Variants in DUXA observed in about 807,000 individuals in gnomAD.
The protein encoded by DUXA is double homeobox A.
A neutral mutation model predicts 27.5 loss-of-function variants in DUXA; 25 were observed. That is an observed-to-expected ratio of 0.91 (90% confidence interval 0.66 to 1.27). The LOEUF is 1.27. Ranked by LOEUF, DUXA falls within the 50% of genes most tolerant of loss-of-function variation. DUXA has a pLI of 0.00. For missense variants in DUXA, 247 were observed against 242.9 expected (o/e 1.02, Z -0.11); for synonymous variants, 90 against 80.5 (o/e 1.12, Z -0.63).
intron 1 of DUXA, among the ~76,000 whole-genome samples, chr19:57,165,391 C>G (rs997238387): frequency 8.8e-5 from 13 of 147,464 alleles, no homozygotes; most frequent in Admixed American, 6.2e-4. Flanking sequence ...ATTTCTAACA[C>G]TTTACCTTCT....
At chr19:57,167,288 G>C (rs375558535) in intron 1 of DUXA, 131 bp downstream of exon 1, 2 of 1,121,514 alleles carry the variant, frequency 1.8e-6, no homozygotes, top group African/African-American at 3.2e-5. Flanking sequence ...CAGAGAAACC[G>C]GTTTTCCCCT....
At chr19:57,164,476 G>A (rs1234243028) in intron 1 of DUXA, among the ~76,000 whole-genome samples, 2 of 152,158 alleles carry the variant, frequency 1.3e-5, no homozygotes, top group African/African-American at 4.8e-5. Context: ...TTGGGAGGCT[G>A]AGGCGAGAGA....
chr19:57,158,418 G>A lies in DUXA; in HGVS notation c.348C>T (p.Leu116=), dbSNP rs79672731. Residue 116 remains leucine (L), a synonymous_variant, in exon 4 of 6, where the codon CTC becomes CTT. Transcript: ENST00000554048. Reference sequence around the variant, plus strand: ...ATGGGTTTTTCATAAATGCCTTGATGAGAGTGTGTAACTGAGAGGCGCTGT... The same window carrying A: ...ATGGGTTTTTCATAAATGCCTTGATAAGAGTGTGTAACTGAGAGGCGCTGT... ...TTYSASQLHT[L]IKAFMKNPYP... is the part of the protein sequence containing the mutation. 4.4e-4 allele frequency: 703 copies of A among 1,613,980 alleles called. 6 individuals are homozygous for A. In the African/African-American group the frequency reaches 7.9e-3, roughly 18 times the overall value.
intron 4 of DUXA, 68 bp downstream of exon 4, chr19:57,158,260 C>T: frequency 6.4e-7 from 1 of 1,566,328 alleles, no homozygotes; most frequent in Non-Finnish European, 8.7e-7. Flanking sequence ...TGCCTGAGGC[C>T]CATGTGGCTT....
chr19:57,161,957 A>AT (rs1361324548), intron 1 of DUXA, among the ~76,000 whole-genome samples: 10 of 152,004 alleles, frequency 6.6e-5, no homozygotes, highest in Admixed American at 5.2e-4. Context: ...TGGCGCAATC[A>AT]TGGCACACTG....
chr19:57,162,661 A>C (rs542991790), intron 1 of DUXA, among the ~76,000 whole-genome samples: 2 of 151,848 alleles, frequency 1.3e-5, no homozygotes, highest in East Asian at 3.9e-4. Context: ...TGCAACCTCC[A>C]CCTCCCAGAT....
At position 57,154,367 on chromosome 19, in the gene DUXA, T is replaced by C. The variant is rs186313853; in HGVS notation, c.*45A>G. 1.3e-6 allele frequency: 2 copies of C among 1,551,682 alleles called. No homozygotes were observed. The highest frequency in any genetic ancestry group is 2.3e-5 in the East Asian group (1 of 44,386). On this transcript the variant is annotated 3_prime_UTR_variant, in exon 6 of 6. Transcript: ENST00000554048. ...CTCCCAGGAAGACCGTGAGACAGAT[T>C]TGGGGTCCAGTTGATATTATCAAGT...
At chr19:57,162,767 G>T in intron 1 of DUXA, among the ~76,000 whole-genome samples, 1 of 152,010 alleles carries the variant, frequency 6.6e-6, no homozygotes, top group East Asian at 1.9e-4. Flanking sequence ...GTAGAGACAG[G>T]GTTTCACCAC....
At chr19:57,163,753 T>C (rs1281511718) in intron 1 of DUXA, among the ~76,000 whole-genome samples, 1 of 152,092 alleles carries the variant, frequency 6.6e-6, no homozygotes, top group Non-Finnish European at 1.5e-5. Context: ...GTTTAAAGGG[T>C]AGTTGTCACA....
At chr19:57,159,078 T>C (rs1204634714) in intron 3 of DUXA, 89 bp downstream of exon 3, 3 of 1,132,456 alleles carry the variant, frequency 2.6e-6, no homozygotes, top group African/African-American at 3.1e-5. Flanking sequence ...CAGGAGGTCA[T>C]CAGGGAGGAG....
intron 1 of DUXA, among the ~76,000 whole-genome samples, chr19:57,164,041 C>T (rs1375436277): frequency 6.6e-6 from 1 of 152,002 alleles, no homozygotes; most frequent in Non-Finnish European, 1.5e-5. Flanking sequence ...CATAGTGAGA[C>T]ACCATCTAAC....
chr19:57,166,364 A>G (rs963529810), intron 1 of DUXA, among the ~76,000 whole-genome samples: 1 of 152,172 alleles, frequency 6.6e-6, no homozygotes, highest in African/African-American at 2.4e-5. Context: ...AGGCTGAGGT[A>G]CATGGCATGA....
chr19:57,165,309 GAAAAAA>G lies in DUXA; in HGVS notation c.25+2104_25+2109del, dbSNP rs71186231. Reference sequence around the variant, plus strand: ...CTCAACTTCTACATTTCTGGAGTAGGAAAAAAAAAAAAAAAATATATATATATATAT... The same window carrying G: ...CTCAACTTCTACATTTCTGGAGTAGGAAAAAAAAAATATATATATATATAT... On this transcript the variant is annotated intron_variant, in intron 1 of 5. Transcript: ENST00000554048. Among the ~76,000 whole-genome samples, 273 of 116,406 alleles carry G rather than the reference GAAAAAA, an allele frequency of 2.3e-3. 2 individuals carry two copies. Among genetic ancestry groups the G allele is most frequent in the African/African-American group, 7.8e-3 (243 of 31,092 alleles). The allele number at this position is 116,406 out of a possible 152,430, so 76.4% of individuals were successfully genotyped here. A position where few individuals can be genotyped will look rare whatever the true frequency, so the allele number is the denominator to read the frequency against.
At chr19:57,163,697 G>A (rs2087036320) in intron 1 of DUXA, among the ~76,000 whole-genome samples, 1 of 152,164 alleles carries the variant, frequency 6.6e-6, no homozygotes, top group Non-Finnish European at 1.5e-5. Flanking sequence ...CCAAAGTGCT[G>A]GGATTACAGG....
chr19:57,166,600 G>A (rs866257524), intron 1 of DUXA, among the ~76,000 whole-genome samples: 3 of 152,266 alleles, frequency 2.0e-5, no homozygotes, highest in Non-Finnish European at 2.9e-5. Flanking sequence ...GAGCCACGGC[G>A]CCCGGCCGCC....
Position 57,165,324 on chromosome 19 carries a change from A to AAAAATATATATAT in DUXA, c.25+2094_25+2095insATATATATATTTT, listed in dbSNP as rs1491567041. ...TCTGGAGTAGGAAAAAAAAAAAAAA[A>AAAAATATATATAT]ATATATATATATATATATATGTATA... is the stretch of plus-strand genomic sequence containing the variant. On this transcript the variant is annotated intron_variant, in intron 1 of 5. Coordinates refer to ENST00000554048, the MANE Select transcript of DUXA (RefSeq NM_001012729.2). 4.5e-5 allele frequency among the ~76,000 whole-genome samples: 4 copies of AAAAATATATATAT among 89,266 alleles called. No homozygotes were observed. The East Asian group carries it at 9.2e-4, about 21-fold the overall frequency. 58.6% of individuals were successfully genotyped at this position (89,266 alleles called of 152,430 possible). A position where few individuals can be genotyped will look rare whatever the true frequency, so the allele number is the denominator to read the frequency against.
rs35512413 is a variant in DUXA, at chr19:57,155,646, AAGATAGAT to A, written c.439-282_439-275del. 6.4e-3 allele frequency among the ~76,000 whole-genome samples: 927 copies of A among 144,112 alleles called. 5 individuals are homozygous for A. The highest frequency in any genetic ancestry group is 0.011 in the Non-Finnish European group (707 of 66,772). The allele number at this position is 144,112 out of a possible 152,430, so 94.5% of individuals were successfully genotyped here. On this transcript the variant is annotated intron_variant, in intron 4 of 5. Transcript: ENST00000554048. ...AGGCACACTTGACTGTGCCCAACCC[AAGATAGAT>A]AGATAGATAGATAGATAGATACTTT...
chr19:57,167,415 T>C lies in DUXA; in HGVS notation c.25+4A>G, dbSNP rs1386630879. On this transcript the variant is annotated splice_donor_region_variant and intron_variant, in intron 1 of 5. Transcript: ENST00000554048. ...AAAGCTCAGTCAAGCACAAGGGAAC[T>C]TACTGTGTGAATAGGTGTCTTCGGC... 3.7e-6 allele frequency: 6 copies of C among 1,613,728 alleles called. No homozygotes were observed. The highest frequency in any genetic ancestry group is 5.1e-6 in the Non-Finnish European group (6 of 1,179,896).
At chr19:57,159,799 T>C (rs912780962) in intron 2 of DUXA, among the ~76,000 whole-genome samples, 1 of 149,506 alleles carries the variant, frequency 6.7e-6, no homozygotes, top group East Asian at 2.0e-4. Flanking sequence ...AACAAAAAAG[T>C]TAAAAAAAAA....
Sources: allele counts gnomAD v4.1 joint callset (sites outside exome capture counted in the v4.1 genomes callset), GRCh38; gene constraint gnomAD v4.1.1; transcripts MANE v1.5; gene names NCBI Gene and HGNC (gene_info 2026-07-23, HGNC 2026-07-21).